Variants in ACYP2 observed in about 807,000 individuals in gnomAD.
ACYP2 encodes the protein acylphosphatase-2.
A neutral mutation model predicts 11.2 loss-of-function variants in ACYP2; 12 were observed. The observed-to-expected ratio is 1.08, with a 90% CI of 0.69 to 1.74. The LOEUF is 1.74. Among genes scored for constraint, ACYP2 ranks in the 40% most tolerant of loss-of-function variants. The probability of loss-of-function intolerance (pLI) is 0.00; values close to 1 mark genes in which losing one functional copy is unlikely to be tolerated. For missense variants in ACYP2, 134 were observed against 101.9 expected (o/e 1.31, Z -1.35); for synonymous variants, 43 against 32.2 (o/e 1.33, Z -1.13).
chr2:54,208,569 A>G (rs1160986608), intron 6 of ACYP2, among the ~76,000 whole-genome samples: 1 of 152,162 alleles, frequency 6.6e-6, no homozygotes, highest in African/African-American at 2.4e-5. Flanking sequence ...AGCAGGATAC[A>G]ACAAAAATTA....
At position 54,153,899 on chromosome 2, in the gene ACYP2, C is replaced by G. The variant is rs189337821; in HGVS notation, c.404+15151C>G. Among the ~76,000 whole-genome samples, 174 of 152,160 alleles carry G rather than the reference C, an allele frequency of 1.1e-3. 1 individual carries two copies. The highest frequency in any genetic ancestry group is 3.9e-3 in the African/African-American group (163 of 41,524). On this transcript the variant is annotated intron_variant, in intron 6 of 6. Transcript: ENST00000607452. ...ATAGGCATGAGCCACCGCACCTGGC[C>G]CGTAGTTGGACTTTTTAACAATATT...
chr2:54,121,900 G>A (rs1680181302), intron 4 of ACYP2, among the ~76,000 whole-genome samples: 1 of 152,242 alleles, frequency 6.6e-6, no homozygotes, highest in Non-Finnish European at 1.5e-5. Context: ...TCCTTCAAAA[G>A]TGAACTGAAT....
chr2:54,252,218 T>C (rs373397119), intron 6 of ACYP2, among the ~76,000 whole-genome samples: 2 of 152,342 alleles, frequency 1.3e-5, no homozygotes, highest in East Asian at 3.9e-4. Context: ...ATTTGTGAGA[T>C]TCATTCATAT....
intron 6 of ACYP2, among the ~76,000 whole-genome samples, chr2:54,174,503 G>C (rs1683353375): frequency 6.6e-6 from 1 of 152,064 alleles, no homozygotes; most frequent in Non-Finnish European, 1.5e-5. Flanking sequence ...TTTCCTAATT[G>C]GATACCCTTT....
At chr2:54,255,946 T>G (rs756413668) in intron 6 of ACYP2, 2 of 1,614,124 alleles carry the variant, frequency 1.2e-6, no homozygotes, top group Non-Finnish European at 1.7e-6. Flanking sequence ...GTGGAAAGTA[T>G]GGCCACCATC....
chr2:54,106,245 T>A (rs1376142870), intron 4 of ACYP2, among the ~76,000 whole-genome samples: 1 of 152,110 alleles, frequency 6.6e-6, no homozygotes. Flanking sequence ...TTTTAATTTT[T>A]AAAATTATTA....
At chr2:54,153,403 G>C (rs1225378146) in intron 6 of ACYP2, among the ~76,000 whole-genome samples, 3 of 150,170 alleles carry the variant, frequency 2.0e-5, no homozygotes, top group Non-Finnish European at 4.4e-5. Flanking sequence ...TTTGAAGTCA[G>C]GTAGAATGTT....
chr2:54,217,306 A>AAATT (rs1000739574), intron 6 of ACYP2, among the ~76,000 whole-genome samples: 2 of 152,210 alleles, frequency 1.3e-5, no homozygotes, highest in Non-Finnish European at 2.9e-5. Context: ...GATACTGAAA[A>AAATT]AATTAATTAT....
intron 4 of ACYP2, among the ~76,000 whole-genome samples, chr2:54,124,804 G>A (rs1446910583): frequency 6.6e-6 from 1 of 152,134 alleles, no homozygotes; most frequent in East Asian, 1.9e-4. Flanking sequence ...AGGCTCAATT[G>A]ATCCTCCCCC....
chr2:54,292,233 C>T (rs984235563), intron 6 of ACYP2, among the ~76,000 whole-genome samples: 2 of 151,792 alleles, frequency 1.3e-5, no homozygotes, highest in Non-Finnish European at 1.5e-5. Context: ...TGATTTTAGC[C>T]CTGAAGAAAA....
At chr2:54,281,652 A>G (rs1482590746) in intron 6 of ACYP2, among the ~76,000 whole-genome samples, 3 of 152,228 alleles carry the variant, frequency 2.0e-5, no homozygotes, top group African/African-American at 7.2e-5. Flanking sequence ...ATTACGAAGT[A>G]AAATTAAAAA....
In ACYP2 at chr2:54,188,382, T is replaced by C. The variant is rs185090387; in HGVS notation, c.404+49634T>C. The stretch of plus-strand genomic sequence containing the variant: ...TTTCCATATCTCAGTTCGTATAACT[T>C]GATTTCCTTGAAATCATATTTTTTA... On this transcript the variant is annotated intron_variant, in intron 6 of 6. Coordinates refer to ENST00000607452, the MANE Select transcript of ACYP2 (RefSeq NM_001320586.2). 1.2e-3 allele frequency among the ~76,000 whole-genome samples: 186 copies of C among 152,310 alleles called. 1 individual carries two copies. Among genetic ancestry groups the C allele is most frequent in the Non-Finnish European group, 1.5e-3 (103 of 68,020 alleles).
chr2:54,033,883 C>T (rs1674727966), intron 2 of ACYP2, among the ~76,000 whole-genome samples: 1 of 152,194 alleles, frequency 6.6e-6, no homozygotes, highest in Non-Finnish European at 1.5e-5. Context: ...GTTGGCTTCA[C>T]TTTTCCCAGA....
chr2:54,009,596 T>C (rs1345567), intron 2 of ACYP2, among the ~76,000 whole-genome samples: 1 of 151,904 alleles, frequency 6.6e-6, no homozygotes, highest in African/African-American at 2.4e-5. Context: ...TAATAATAAA[T>C]TCCTGAGTGT....
chr2:54,011,347 G>A (rs1016963133), intron 2 of ACYP2, among the ~76,000 whole-genome samples: 2 of 151,924 alleles, frequency 1.3e-5, no homozygotes, highest in African/African-American at 4.8e-5. Context: ...TGAATAAAAC[G>A]TTCTCTCTCC....
At chr2:54,206,650 C>T (rs1685080001) in intron 6 of ACYP2, among the ~76,000 whole-genome samples, 1 of 152,184 alleles carries the variant, frequency 6.6e-6, no homozygotes, top group Non-Finnish European at 1.5e-5. Context: ...CACTTTAGCT[C>T]AATCTAATCC....
At chr2:54,230,258 A>C (rs1686174574) in intron 6 of ACYP2, among the ~76,000 whole-genome samples, 1 of 152,224 alleles carries the variant, frequency 6.6e-6, no homozygotes, top group African/African-American at 2.4e-5. Flanking sequence ...GTCCCAAAAG[A>C]AACAATTTAC....
intron 4 of ACYP2, among the ~76,000 whole-genome samples, chr2:54,096,895 A>G (rs984591286): frequency 6.6e-6 from 1 of 152,110 alleles, no homozygotes; most frequent in Admixed American, 6.5e-5. Flanking sequence ...TTAAAAATAG[A>G]GACGGGGTCT....
intron 4 of ACYP2, among the ~76,000 whole-genome samples, chr2:54,084,182 G>A (rs552928224): frequency 6.4e-4 from 98 of 152,322 alleles, no homozygotes; most frequent in African/African-American, 2.1e-3. Context: ...TCCAAAAATA[G>A]AATAATGGTT....
Sources: gnomAD v4.1 joint callset for allele counts (sites outside exome capture counted in the v4.1 genomes callset) on GRCh38, gnomAD v4.1.1 for gene constraint, MANE v1.5 for transcripts, NCBI Gene and HGNC (gene_info 2026-07-23, HGNC 2026-07-21) for gene names.